MSH4: variants seen among roughly 807,000 people sequenced by gnomAD.
MSH4 encodes mutS homolog 4.
Under a neutral mutation model 113.7 loss-of-function variants are expected in MSH4, and 106 were observed. The observed-to-expected ratio is 0.93, with a 90% CI of 0.80 to 1.10. MSH4 has a LOEUF of 1.10. Ranked by LOEUF, MSH4 falls within the 50% of genes least tolerant of loss-of-function variation. The pLI is 0.00. For synonymous variants in MSH4, 368 were observed against 380.2 expected (o/e 0.97, Z 0.37); for missense variants, 1,061 against 1,093.7 (o/e 0.97, Z 0.42).
intron 3 of MSH4, among the ~76,000 whole-genome samples, chr1:75,807,691 A>G (rs1650098561): frequency 6.6e-6 from 1 of 152,194 alleles, no homozygotes; most frequent in African/African-American, 2.4e-5. Context: ...AGGGGTGCCA[A>G]ATTGGCAAGG....
intron 19 of MSH4, among the ~76,000 whole-genome samples, chr1:75,912,090 A>G (rs1652800002): frequency 6.6e-6 from 1 of 152,074 alleles, no homozygotes; most frequent in African/African-American, 2.4e-5. Context: ...ATGATTTTAA[A>G]TAGCTATTCA....
chr1:75,890,894 T>A, intron 17 of MSH4, 70 bp downstream of exon 17: 1 of 1,272,978 alleles, frequency 7.9e-7, no homozygotes, highest in East Asian at 2.5e-5. Context: ...TATTGAATTT[T>A]ATGGACACCC....
chr1:75,873,244 T>C (rs901481065), intron 9 of MSH4, among the ~76,000 whole-genome samples: 1 of 152,196 alleles, frequency 6.6e-6, no homozygotes, highest in African/African-American at 2.4e-5. Context: ...ATTTTGTTAT[T>C]CCTTGACATC....
chr1:75,809,038 A>G (rs1650129830), intron 3 of MSH4, among the ~76,000 whole-genome samples: 1 of 152,150 alleles, frequency 6.6e-6, no homozygotes, highest in Admixed American at 6.6e-5. Flanking sequence ...AGCAGGGACC[A>G]CAGGCATGCA....
At chr1:75,905,673 G>GC (rs1652610312) in intron 19 of MSH4, among the ~76,000 whole-genome samples, 4 of 152,024 alleles carry the variant, frequency 2.6e-5, no homozygotes, top group African/African-American at 9.7e-5. Flanking sequence ...GTATTGTATT[G>GC]CAGTCTATAT....
chr1:75,824,769 A>G (rs1557497423), intron 7 of MSH4, among the ~76,000 whole-genome samples: 1 of 152,076 alleles, frequency 6.6e-6, no homozygotes, highest in African/African-American at 2.4e-5. Context: ...TTTGTCAAAC[A>G]TATGTGGTGT....
chr1:75,827,416 G>A (rs1344629374), intron 7 of MSH4, among the ~76,000 whole-genome samples: 2 of 152,250 alleles, frequency 1.3e-5, no homozygotes, highest in Middle Eastern at 3.4e-3. Context: ...ACACAGTGAA[G>A]AAACTGCATC....
intron 17 of MSH4, among the ~76,000 whole-genome samples, chr1:75,894,770 C>G (rs1004835681): frequency 5.9e-5 from 9 of 152,160 alleles, no homozygotes; most frequent in African/African-American, 2.2e-4. Context: ...ACTGTGTTTA[C>G]CAACCATCTT....
intron 8 of MSH4, among the ~76,000 whole-genome samples, chr1:75,861,348 G>A (rs977109208): frequency 6.6e-6 from 1 of 152,092 alleles, no homozygotes; most frequent in African/African-American, 2.4e-5. Flanking sequence ...AAGGTGTTCT[G>A]GTTTTTGGTA....
At chr1:75,909,459 T>A (rs1652739680) in intron 19 of MSH4, among the ~76,000 whole-genome samples, 1 of 138,004 alleles carries the variant, frequency 7.2e-6, no homozygotes, top group Admixed American at 7.4e-5. Context: ...TTTGTTGATA[T>A]CCAGAATTGT....
chr1:75,878,081 C>A, intron 10 of MSH4, 68 bp from the exon 11 acceptor site: 1 of 1,211,360 alleles, frequency 8.3e-7, no homozygotes, highest in Non-Finnish European at 1.1e-6. Context: ...AATTGTGATT[C>A]AAATTATAAA....
intron 19 of MSH4, among the ~76,000 whole-genome samples, chr1:75,911,714 C>T (rs566778271): frequency 1.3e-5 from 2 of 152,100 alleles, no homozygotes; most frequent in East Asian, 3.9e-4. Flanking sequence ...AAATAATAGA[C>T]TAATTGGTAA....
chr1:75,908,066 GTT>G (rs1256308861), intron 19 of MSH4, among the ~76,000 whole-genome samples: 1 of 148,356 alleles, frequency 6.7e-6, no homozygotes, highest in Non-Finnish European at 1.5e-5. Flanking sequence ...AGCCTCTGTA[GTT>G]TTTTTAAGTT....
At chr1:75,885,753 A>AG (rs1652072771) in intron 15 of MSH4, among the ~76,000 whole-genome samples, 2 of 110,664 alleles carry the variant, frequency 1.8e-5, no homozygotes, top group African/African-American at 3.6e-5. Context: ...TATATAATGT[A>AG]TTATATATAG....
chr1:75,871,438 TGGAAATATGGAAAATGACCCAAAGAA>T (rs1651711197), intron 9 of MSH4, among the ~76,000 whole-genome samples: 1 of 152,134 alleles, frequency 6.6e-6, no homozygotes, highest in Admixed American at 6.5e-5. Flanking sequence ...GAAATGCCAA[TGGAAATATGGAAAATGACCCAAAGAA>T]GGAAATCAAG....
chr1:75,890,569 C>A, intron 16 of MSH4, 127 bp from the exon 17 acceptor site: 1 of 498,822 alleles, frequency 2.0e-6, no homozygotes. Flanking sequence ...ATTTTCTGCT[C>A]AGCAGGATGT....
At chr1:75,813,275 T>A (rs535301931) in intron 4 of MSH4, among the ~76,000 whole-genome samples, 3 of 152,268 alleles carry the variant, frequency 2.0e-5, no homozygotes, top group East Asian at 3.9e-4. Flanking sequence ...CCTTTTGCTG[T>A]GAGACACAGA....
chr1:75,910,174 C>G (rs769719193), intron 19 of MSH4, among the ~76,000 whole-genome samples: 1 of 152,050 alleles, frequency 6.6e-6, no homozygotes, highest in Non-Finnish European at 1.5e-5. Context: ...TCTTTCATTT[C>G]TCATGTTTAA....
intron 8 of MSH4, among the ~76,000 whole-genome samples, chr1:75,864,213 T>C (rs1285523845): frequency 1.3e-5 from 2 of 152,238 alleles, no homozygotes; most frequent in African/African-American, 2.4e-5. Flanking sequence ...TTATTTTCAC[T>C]GCTATATGAT....
Sources: allele counts gnomAD v4.1 joint callset (sites outside exome capture counted in the v4.1 genomes callset), GRCh38; gene constraint gnomAD v4.1.1; transcripts MANE v1.5; gene names NCBI Gene and HGNC (gene_info 2026-07-23, HGNC 2026-07-21).